TGM3: variants seen among roughly 807,000 people sequenced by gnomAD.
The protein encoded by TGM3 is transglutaminase 3.
In TGM3, 52 loss-of-function variants were observed where a neutral mutation model predicts 73.8. That is an observed-to-expected ratio of 0.70 (90% CI 0.56 to 0.89). The LOEUF is 0.89. Ranked by LOEUF, TGM3 falls within the 40% of genes least tolerant of loss-of-function variation. The pLI, the probability that TGM3 is intolerant of heterozygous loss-of-function variation, is 0.00. For missense variants in TGM3, 928 were observed against 909.9 expected (o/e 1.02, Z -0.26); for synonymous variants, 372 against 354.9 (o/e 1.05, Z -0.54).
intron 1 of TGM3, among the ~76,000 whole-genome samples, chr20:2,296,870 C>T (rs1378135180): frequency 6.6e-6 from 1 of 152,188 alleles, no homozygotes; most frequent in Non-Finnish European, 1.5e-5. Context: ...GACGCCAAAT[C>T]CAAACAAGAT....
intron 11 of TGM3, 50 bp downstream of exon 11, chr20:2,335,323 C>G: frequency 6.2e-7 from 1 of 1,606,884 alleles, no homozygotes; most frequent in Non-Finnish European, 8.5e-7. Context: ...CCAGCCAGCC[C>G]AGCTCCCAGG....
Position 2,340,808 on chromosome 20 carries a change from G to A in TGM3, c.*227G>A, listed in dbSNP as rs1014713413. The A allele has an allele frequency of 2.9e-5, 19 of 666,330 alleles. No homozygotes were observed. The highest frequency in any genetic ancestry group is 6.2e-5 in the Admixed American group (3 of 48,316). The allele number at this position is 666,330 out of a possible 1,614,324, so 41.3% of individuals were successfully genotyped here. A position where few individuals can be genotyped will look rare whatever the true frequency, so the allele number is the denominator to read the frequency against. ...GATCACTTTTGCACATTCCCTGGCC[G>A]CTTCTCCCCAGAGCTGCCTGCTCTG... On this transcript the variant is annotated 3_prime_UTR_variant, in exon 13 of 13. Transcript: ENST00000381458.
chr20:2,326,664 C>T (rs537202089), intron 8 of TGM3, among the ~76,000 whole-genome samples: 1 of 152,238 alleles, frequency 6.6e-6, no homozygotes, highest in Admixed American at 6.5e-5. Flanking sequence ...GCCTGACCAA[C>T]ATGGTGAAAC....
At chr20:2,312,823 C>A in intron 4 of TGM3, 75 bp from the exon 5 acceptor site, 1 of 1,584,774 alleles carries the variant, frequency 6.3e-7, no homozygotes, top group South Asian at 1.1e-5. Context: ...GTGGTTCTTG[C>A]CAGTGCAGTT....
intron 1 of TGM3, among the ~76,000 whole-genome samples, chr20:2,301,377 C>T (rs532272751): frequency 2.7e-5 from 4 of 149,584 alleles, no homozygotes; most frequent in African/African-American, 7.4e-5. Flanking sequence ...GTGACTTCCC[C>T]TTTCATGAAG....
chr20:2,327,304 A>G (rs911888164), intron 8 of TGM3, among the ~76,000 whole-genome samples: 1 of 149,954 alleles, frequency 6.7e-6, no homozygotes, highest in African/African-American at 2.5e-5. Flanking sequence ...CCCCGTCTCT[A>G]CTAAAATTAC....
rs770260012 is a variant in TGM3, at chr20:2,339,758, A to G, written c.1801-96A>G. 7.8e-6 allele frequency: 12 copies of G among 1,533,590 alleles called. No homozygotes were observed. In the Admixed American group the frequency reaches 1.6e-4, roughly 20 times the overall value. 95.0% of individuals were successfully genotyped at this position (1,533,590 alleles called of 1,614,324 possible). On this transcript the variant is annotated intron_variant, in intron 11 of 12. Transcript: ENST00000381458. The stretch of plus-strand genomic sequence containing the variant: ...CCCCTTCTTCATCCTCAGTGACATC[A>G]CCCCCTTCACTCAGTCACCCTGCCC...
chr20:2,302,083 G>A (rs1383379352), intron 1 of TGM3, among the ~76,000 whole-genome samples: 1 of 152,158 alleles, frequency 6.6e-6, no homozygotes, highest in African/African-American at 2.4e-5. Flanking sequence ...AAAAGGTGTG[G>A]GAAGTAGAGT....
intron 7 of TGM3, among the ~76,000 whole-genome samples, chr20:2,318,303 G>A (rs1047516479): frequency 6.6e-6 from 1 of 152,162 alleles, no homozygotes; most frequent in Non-Finnish European, 1.5e-5. Flanking sequence ...ACAGGCGTAA[G>A]CCACTGCACC....
intron 1 of TGM3, among the ~76,000 whole-genome samples, chr20:2,302,437 C>A (rs972277420): frequency 2.0e-5 from 3 of 152,128 alleles, no homozygotes; most frequent in Admixed American, 1.3e-4. Flanking sequence ...CCCCAAAAAA[C>A]AATAGCTTAG....
rs1260664871 is a variant in TGM3 at position 2,340,648 on chromosome 20, A to AC, written c.*73dup. The AC allele has an allele frequency of 3.1e-6, 5 of 1,599,878 alleles. No homozygotes were observed. The highest frequency in any genetic ancestry group is 3.4e-6 in the Non-Finnish European group (4 of 1,170,252). The stretch of plus-strand genomic sequence containing the variant: ...GCAGGGAGAGCTCACCATGGAATGA[A>AC]CCCCCCGCCCATGCTGTCCGGCCTG... On this transcript the variant is annotated 3_prime_UTR_variant, in exon 13 of 13. Transcript: ENST00000381458.
chr20:2,305,754 A>C (rs986300414), intron 1 of TGM3, among the ~76,000 whole-genome samples: 1 of 152,218 alleles, frequency 6.6e-6, no homozygotes, highest in South Asian at 2.1e-4. Context: ...TGGAGCCTGC[A>C]GTCCTCCACT....
rs193241402 is a variant in TGM3 at position 2,338,927 on chromosome 20, G to A, written c.1801-927G>A. Among the ~76,000 whole-genome samples, 353 of 152,310 alleles carry A rather than the reference G, an allele frequency of 2.3e-3. 2 individuals carry two copies. Among genetic ancestry groups the A allele is most frequent in the African/African-American group, 8.3e-3 (345 of 41,572 alleles). On this transcript the variant is annotated intron_variant, in intron 11 of 12. Transcript: ENST00000381458. ...GACTTGTCTGCCCAGAATGAATTAC[G>A]GCTGTTTCTTGGCAGAAACACAACA...
chr20:2,335,410 C>T lies in TGM3; in HGVS notation c.1800+137C>T, dbSNP rs2084344559. 1.1e-5 allele frequency: 12 copies of T among 1,091,856 alleles called. No homozygotes were observed. The Admixed American group carries it at 3.2e-4, about 29-fold the overall frequency. 67.6% of individuals were successfully genotyped at this position (1,091,856 alleles called of 1,614,324 possible). On this transcript the variant is annotated intron_variant, in intron 11 of 12. Coordinates refer to ENST00000381458, the MANE Select transcript of TGM3 (RefSeq NM_003245.4). ...TTTTCTTGCTGGGAGGGGCAGAGAA[C>T]TGGGCCCAGCTTCGGTCCAGCCTCT...
chr20:2,314,523 CTACACA>C lies in TGM3; in HGVS notation c.669+1504_669+1509del, dbSNP rs1480732723. 2.5e-3 allele frequency among the ~76,000 whole-genome samples: 288 copies of C among 117,128 alleles called. 3 individuals carry two copies. The highest frequency in any genetic ancestry group is 7.4e-4 in the Non-Finnish European group (42 of 57,088). 76.8% of individuals were successfully genotyped at this position (117,128 alleles called of 152,430 possible). The stretch of plus-strand genomic sequence containing the variant: ...CCTGGACAACATAGTGAGACCTCAT[CTACACA>C]TACACACACACACACACACACACAC... On this transcript the variant is annotated intron_variant, in intron 5 of 12. Coordinates refer to ENST00000381458, the MANE Select transcript of TGM3 (RefSeq NM_003245.4).
intron 9 of TGM3, among the ~76,000 whole-genome samples, chr20:2,331,477 C>T (rs1041106620): frequency 3.9e-5 from 6 of 152,098 alleles, no homozygotes; most frequent in African/African-American, 1.4e-4. Context: ...CCTTGTCAAC[C>T]GGCACAGATC....
At chr20:2,302,123 A>C (rs1056201495) in intron 1 of TGM3, among the ~76,000 whole-genome samples, 1 of 152,358 alleles carries the variant, frequency 6.6e-6, no homozygotes, top group African/African-American at 2.4e-5. Context: ...AGTCCCAGCC[A>C]CTAGAGTAGC....
At chr20:2,321,164 A>G (rs1297044196) in intron 7 of TGM3, among the ~76,000 whole-genome samples, 7 of 152,208 alleles carry the variant, frequency 4.6e-5, no homozygotes, top group East Asian at 1.9e-4. Context: ...TTCAGCAAAC[A>G]TGATTCCATG....
chr20:2,310,579 C>G (rs2084198622), intron 3 of TGM3, among the ~76,000 whole-genome samples, 162 bp downstream of exon 3: 1 of 152,228 alleles, frequency 6.6e-6, no homozygotes. Flanking sequence ...ACTTAAGCAG[C>G]TGTCTGAGTG....
Sources: gnomAD v4.1 joint callset for allele counts (sites outside exome capture counted in the v4.1 genomes callset) on GRCh38, gnomAD v4.1.1 for gene constraint, MANE v1.5 for transcripts, NCBI Gene and HGNC (gene_info 2026-07-23, HGNC 2026-07-21) for gene names.